The following CNBD2 variants were observed in gnomAD, a reference collection of about 807,000 sequenced individuals.
CNBD2 encodes cyclic nucleotide-binding domain-containing protein 2.
A neutral mutation model predicts 63.7 loss-of-function variants in CNBD2; 64 were observed. That is an observed-to-expected ratio of 1.00 (90% CI 0.82 to 1.24). The LOEUF (loss-of-function observed/expected upper bound fraction) is 1.24. Among genes scored for constraint, CNBD2 ranks in the 50% most tolerant of loss-of-function variants. The probability of loss-of-function intolerance (pLI) is 0.00; values close to 1 mark genes in which losing one functional copy is unlikely to be tolerated. For synonymous variants in CNBD2, 229 were observed against 255.4 expected (o/e 0.90, Z 0.99); for missense variants, 691 against 713.5 (o/e 0.97, Z 0.36).
intron 3 of CNBD2, 44 bp from the exon 4 acceptor site, chr20:35,980,415 G>A: frequency 6.2e-7 from 1 of 1,602,100 alleles, no homozygotes; most frequent in Non-Finnish European, 8.5e-7. Context: ...GCCCATGGGT[G>A]AAATTGCTGG....
At chr20:35,991,255 G>C (rs1412818153) in intron 7 of CNBD2, among the ~76,000 whole-genome samples, 1 of 152,184 alleles carries the variant, frequency 6.6e-6, no homozygotes, top group Non-Finnish European at 1.5e-5. Flanking sequence ...TGGCTGTATG[G>C]AATTTCCTGT....
intron 10 of CNBD2, among the ~76,000 whole-genome samples, chr20:36,023,289 C>G (rs1233825702): frequency 6.6e-6 from 1 of 152,140 alleles, no homozygotes; most frequent in Non-Finnish European, 1.5e-5. Flanking sequence ...CTTTGGGAGA[C>G]CGAGGCGGGT....
upstream of CNBD2, among the ~76,000 whole-genome samples, chr20:35,967,726 G>A (rs1002139374): frequency 1.3e-5 from 2 of 152,012 alleles, no homozygotes; most frequent in African/African-American, 4.8e-5. Flanking sequence ...GGTGGCACAC[G>A]CCTGTAATCC....
intron 6 of CNBD2, among the ~76,000 whole-genome samples, chr20:35,986,985 A>C (rs2056676100): frequency 6.6e-6 from 1 of 152,222 alleles, no homozygotes; most frequent in Admixed American, 6.5e-5. Flanking sequence ...CCCAAAGCAA[A>C]GGTAGGGCCA....
chr20:36,016,031 T>C (rs1479985900), intron 10 of CNBD2, among the ~76,000 whole-genome samples: 1 of 152,234 alleles, frequency 6.6e-6, no homozygotes, highest in Non-Finnish European at 1.5e-5. Context: ...ATCATGTTAA[T>C]AGTATTGTCC....
chr20:35,984,372 A>G (rs1450079984), intron 5 of CNBD2, among the ~76,000 whole-genome samples: 1 of 152,248 alleles, frequency 6.6e-6, no homozygotes, highest in Non-Finnish European at 1.5e-5. Flanking sequence ...AAGTGACTCC[A>G]TAGTGAGGCC....
chr20:35,972,138 G>A (rs888610098), intron 1 of CNBD2, among the ~76,000 whole-genome samples: 4 of 152,222 alleles, frequency 2.6e-5, no homozygotes, highest in South Asian at 2.1e-4. Flanking sequence ...CAAGGCTCAC[G>A]GCCTTTTCTG....
intron 8 of CNBD2, among the ~76,000 whole-genome samples, chr20:36,002,933 G>A (rs1319829416): frequency 2.0e-5 from 3 of 151,578 alleles, no homozygotes; most frequent in South Asian, 4.2e-4. Context: ...CATGTATATT[G>A]GATTGCTGTG....
chr20:35,978,168 A>G (rs2056546293), intron 3 of CNBD2, among the ~76,000 whole-genome samples: 1 of 152,116 alleles, frequency 6.6e-6, no homozygotes, highest in Admixed American at 6.6e-5. Context: ...CTTGACATTT[A>G]TGTAAATTTT....
intron 7 of CNBD2, among the ~76,000 whole-genome samples, chr20:35,993,606 TG>T (rs2056778640): frequency 1.3e-5 from 2 of 152,204 alleles, no homozygotes; most frequent in African/African-American, 4.8e-5. Flanking sequence ...AATTCGTTGA[TG>T]AAAAATTGTA....
Position 36,023,168 on chromosome 20 carries a change from A to G in CNBD2, c.1270-434A>G, listed in dbSNP as rs1478383218. Among the ~76,000 whole-genome samples the G allele has an allele frequency of 2.6e-5, 4 of 152,108 alleles. No homozygotes were observed. In the East Asian group the frequency reaches 7.7e-4, roughly 29 times the overall value. On this transcript the variant is annotated intron_variant, in intron 10 of 11. Coordinates refer to ENST00000373973, the MANE Select transcript of CNBD2 (RefSeq NM_001365709.1). ...GGGCCCAGGATTTCTCCTGCCTGTC[A>G]TTTGCTCAGTGATCCCAGATAAATT...
Position 36,028,685 on chromosome 20 carries a change from G to GTTTTTTTTTTTTTTTT in CNBD2, c.1440-1664_1440-1663insTTTTTTTTTTTTTTTT, listed in dbSNP as rs148778050. On this transcript the variant is annotated intron_variant, in intron 11 of 11. Coordinates refer to ENST00000373973, the MANE Select transcript of CNBD2 (RefSeq NM_001365709.1). The stretch of plus-strand genomic sequence containing the variant: ...GAGGGCTTAAGGGCGTCACGGGCTG[G>GTTTTTTTTTTTTTTTT]TTTTTTTTGGGACGGAGTCTCACTC... Among the ~76,000 whole-genome samples, 109 of 140,116 alleles carry GTTTTTTTTTTTTTTTT rather than the reference G, an allele frequency of 7.8e-4. 1 individual carries two copies. Among genetic ancestry groups the GTTTTTTTTTTTTTTTT allele is most frequent in the African/African-American group, 2.8e-3 (93 of 32,776 alleles). The allele number at this position is 140,116 out of a possible 152,430, so 91.9% of individuals were successfully genotyped here. A position where few individuals can be genotyped will look rare whatever the true frequency, so the allele number is the denominator to read the frequency against.
intron 3 of CNBD2, among the ~76,000 whole-genome samples, 162 bp from the exon 4 acceptor site, chr20:35,980,297 A>C (rs940147967): frequency 6.6e-6 from 1 of 151,982 alleles, no homozygotes; most frequent in Non-Finnish European, 1.5e-5. Context: ...ATGGGCGTGT[A>C]AAATGTTTAT....
At position 36,023,735 on chromosome 20, in the gene CNBD2, T is replaced by C. The variant is rs763246078; in HGVS notation, c.1403T>C (p.Ile468Thr). ...CTGATTGACAATGATGACGAGATGA[T>C]AAAAAAGTTGTTAAAGCTCAATATT... is the stretch of plus-strand genomic sequence containing the variant. ...YELIDNDDEMIKKLLKLNIAF... is the reference protein window; with the variant it reads ...YELIDNDDEMTKKLLKLNIAF... Residue 468 changes from isoleucine to threonine, a missense_variant, in exon 11 of 12, where the codon ATA becomes ACA. Coordinates refer to ENST00000373973, the MANE Select transcript of CNBD2 (RefSeq NM_001365709.1). 3 of 1,613,332 alleles carry C rather than the reference T, an allele frequency of 1.9e-6. No homozygotes were observed. The Admixed American group carries it at 5.0e-5, about 27-fold the overall frequency.
chr20:36,016,863 A>T (rs116981059), intron 10 of CNBD2, among the ~76,000 whole-genome samples: 2 of 150,082 alleles, frequency 1.3e-5, no homozygotes, highest in East Asian at 4.0e-4. Flanking sequence ...GTTCAAGACC[A>T]GCTTGGGCAA....
chr20:35,970,775 G>T (rs1281398119), intron 1 of CNBD2, among the ~76,000 whole-genome samples: 1 of 152,084 alleles, frequency 6.6e-6, no homozygotes, highest in African/African-American at 2.4e-5. Flanking sequence ...GAGTGCAGTG[G>T]CACGATCATA....
intron 7 of CNBD2, among the ~76,000 whole-genome samples, chr20:35,991,335 G>A (rs2056744023): frequency 6.6e-6 from 1 of 152,196 alleles, no homozygotes; most frequent in Non-Finnish European, 1.5e-5. Flanking sequence ...GCAGGCATAT[G>A]TTTTTTAGGA....
Position 36,030,556 on chromosome 20 carries a change from A to G in CNBD2, c.1639A>G (p.Ile547Val), listed in dbSNP as rs772455312. 5 of 1,614,062 alleles carry G rather than the reference A, an allele frequency of 3.1e-6. No homozygotes were observed. Among genetic ancestry groups the G allele is most frequent in the Non-Finnish European group, 4.2e-6 (5 of 1,180,008 alleles). The change falls in exon 12 of 12, where the codon ATT becomes GTT. Residue 547 changes from isoleucine (I) to valine (V), a missense_variant. By Grantham distance (29) the Ile-to-Val change is conservative. Transcript: ENST00000373973. The part of the protein sequence containing the change: ...INKTTKPRYP[I>V]FMAPQKYLPP... ...CAAGACGACTAAACCTCGTTATCCT[A>G]TTTTTATGGCACCCCAGAAATACCT... is the stretch of plus-strand genomic sequence containing the variant.
At chr20:35,982,763 A>G (rs889115872) in intron 4 of CNBD2, among the ~76,000 whole-genome samples, 2 of 151,630 alleles carry the variant, frequency 1.3e-5, no homozygotes, top group African/African-American at 4.9e-5. Flanking sequence ...CCCAGGCCAG[A>G]GTGCAGTGGT....
Sources: allele counts gnomAD v4.1 joint callset (sites outside exome capture counted in the v4.1 genomes callset), GRCh38; gene constraint gnomAD v4.1.1; transcripts MANE v1.5; gene names NCBI Gene and HGNC (gene_info 2026-07-23, HGNC 2026-07-21).